The following RANBP2 variants were observed in gnomAD, a reference collection of about 807,000 sequenced individuals.
RANBP2 encodes the protein E3 SUMO-protein ligase RanBP2.
In RANBP2, 57 loss-of-function variants were observed where a neutral mutation model predicts 303.6. The ratio of observed to expected loss-of-function variants is 0.19; its 90% CI spans 0.15 to 0.23. RANBP2 has a LOEUF of 0.23. Ranked by LOEUF, RANBP2 falls within the 10% of genes least tolerant of loss-of-function variation. RANBP2 has a pLI of 1.00. For synonymous variants in RANBP2, 1,167 were observed against 1,301.5 expected, an observed-to-expected ratio of 0.90 and a Z score of 2.23; for missense variants, 3,138 against 3,780.8, an observed-to-expected ratio of 0.83 and a Z score of 4.46.
At chr2:109,684,610 T>G in the RANBP2 span, among the ~76,000 whole-genome samples, 1 of 148,816 alleles carries the variant, frequency 6.7e-6, no homozygotes, top group Non-Finnish European at 1.5e-5. Context: ...CTTGGCTCAC[T>G]GCAGCCTCTG....
the RANBP2 span, among the ~76,000 whole-genome samples, chr2:108,980,074 G>A: frequency 8.6e-5 from 10 of 116,358 alleles, no homozygotes; most frequent in South Asian, 3.1e-4. Context: ...ATCGCCCATC[G>A]TCAAGTTCAA....
chr2:108,931,638 G>A, the RANBP2 span, among the ~76,000 whole-genome samples: 8 of 152,350 alleles, frequency 5.3e-5, no homozygotes, highest in East Asian at 1.9e-4. Context: ...GATTGAGCAT[G>A]GCTGCAGCTG....
intron 23 of RANBP2, among the ~76,000 whole-genome samples, chr2:108,773,970 A>C (rs1198679983): frequency 6.6e-6 from 1 of 152,182 alleles, no homozygotes; most frequent in Non-Finnish European, 1.5e-5. Flanking sequence ...GGATGTACAC[A>C]AGTGAATTCT....
chr2:109,427,460 A>G, the RANBP2 span, among the ~76,000 whole-genome samples: 1 of 152,172 alleles, frequency 6.6e-6, no homozygotes, highest in African/African-American at 2.4e-5. Context: ...TCCCACAGGT[A>G]TGCCTGTACC....
chr2:108,721,384 T>A (rs1694233934), intron 1 of RANBP2, among the ~76,000 whole-genome samples: 1 of 152,200 alleles, frequency 6.6e-6, no homozygotes, highest in Non-Finnish European at 1.5e-5. Flanking sequence ...TGATAGAGTC[T>A]AAAACAGACC....
chr2:108,771,750 C>A lies in RANBP2; in HGVS notation c.7899C>A (p.Leu2633=). 1 of 1,613,920 alleles carries A rather than the reference C, an allele frequency of 6.2e-7. No individual in the cohort carries two copies. The highest frequency in any genetic ancestry group is 8.5e-7 in the Non-Finnish European group (1 of 1,179,944). The change falls in exon 21 of 29, where the codon CTC becomes CTA. Residue 2633 remains leucine, a synonymous_variant. Transcript: ENST00000283195. ...ATTCTCCCTCAGATGATGATGTTCT[C>A]ATTGTATATGAACTAACTCCAACCG... ...PEDSPSDDDV[L]IVYELTPTAE...
At chr2:109,435,719 A>C in the RANBP2 span, among the ~76,000 whole-genome samples, 1 of 152,240 alleles carries the variant, frequency 6.6e-6, no homozygotes. Context: ...AGACTTGTCA[A>C]TATCACCTTG....
the RANBP2 span, among the ~76,000 whole-genome samples, chr2:109,170,286 TCTC>T: frequency 5.6e-4 from 58 of 103,382 alleles, no homozygotes; most frequent in African/African-American, 1.7e-3. Flanking sequence ...TCTCTTCTCT[TCTC>T]TTCTCTTCTC....
At chr2:109,259,066 T>C in the RANBP2 span, among the ~76,000 whole-genome samples, 58 of 152,340 alleles carry the variant, frequency 3.8e-4, no homozygotes, top group Non-Finnish European at 4.4e-5. Flanking sequence ...AGGGCCCTAG[T>C]TTCCATTTGG....
chr2:109,363,652 C>T, the RANBP2 span, among the ~76,000 whole-genome samples: 185 of 152,314 alleles, frequency 1.2e-3, no homozygotes, highest in Non-Finnish European at 2.1e-3. Flanking sequence ...GGCACATCTA[C>T]TGGCAACACA....
chr2:109,410,180 C>T, the RANBP2 span, among the ~76,000 whole-genome samples: 17 of 152,226 alleles, frequency 1.1e-4, no homozygotes, highest in African/African-American at 3.6e-4. Context: ...ACCGCGGCCA[C>T]AGCACTGCAG....
At chr2:109,739,397 T>G in the RANBP2 span, among the ~76,000 whole-genome samples, 1 of 151,422 alleles carries the variant, frequency 6.6e-6, no homozygotes, top group African/African-American at 2.4e-5. Context: ...CCATTTTTTG[T>G]GTGTCCTCTT....
chr2:109,460,631 G>T, the RANBP2 span, among the ~76,000 whole-genome samples: 4 of 152,200 alleles, frequency 2.6e-5, no homozygotes, highest in East Asian at 1.9e-4. Context: ...TCACCCTTTG[G>T]TGAGCATTTA....
chr2:109,765,768 G>A, the RANBP2 span, among the ~76,000 whole-genome samples: 5 of 151,060 alleles, frequency 3.3e-5, no homozygotes, highest in Admixed American at 6.6e-5. Flanking sequence ...TCTCCCTAAG[G>A]ATGCTGCCCA....
chr2:108,985,426 G>A, the RANBP2 span, among the ~76,000 whole-genome samples: 7 of 152,258 alleles, frequency 4.6e-5, no homozygotes, highest in African/African-American at 1.7e-4. Context: ...GCAGGGTGGT[G>A]CAGGCAGGGC....
At chr2:108,873,573 A>G in the RANBP2 span, 1 of 1,594,534 alleles carries the variant, frequency 6.3e-7, no homozygotes, top group South Asian at 1.1e-5. Context: ...TATTTTACAG[A>G]AACTTTCCAA....
the RANBP2 span, among the ~76,000 whole-genome samples, chr2:109,691,973 G>A: frequency 6.6e-6 from 1 of 152,016 alleles, no homozygotes; most frequent in Admixed American, 6.6e-5. Flanking sequence ...TAGTAGAGAC[G>A]AGGTTTCACC....
chr2:108,727,480 A>G (rs1017846446), intron 1 of RANBP2, among the ~76,000 whole-genome samples: 5 of 152,048 alleles, frequency 3.3e-5, no homozygotes, highest in African/African-American at 1.2e-4. Context: ...ATTGACGGCA[A>G]CCTGGTTTGA....
At chr2:108,975,271 G>C in the RANBP2 span, among the ~76,000 whole-genome samples, 1 of 152,210 alleles carries the variant, frequency 6.6e-6, no homozygotes. Flanking sequence ...AAGGTGCAGA[G>C]TAAATCCCCT....
Sources: allele counts gnomAD v4.1 joint callset (sites outside exome capture counted in the v4.1 genomes callset), GRCh38; gene constraint gnomAD v4.1.1; transcripts MANE v1.5; gene names NCBI Gene and HGNC (gene_info 2026-07-23, HGNC 2026-07-21).